The following ELP1 variants were observed in gnomAD, a reference collection of about 807,000 sequenced individuals.
ELP1 encodes elongator complex protein 1.
A neutral mutation model predicts 183.2 loss-of-function variants in ELP1; 131 were observed. The observed-to-expected ratio is 0.72, with a 90% CI of 0.62 to 0.83. The LOEUF is 0.83. ELP1 is among the 40% of genes least tolerant of loss of function. The pLI, the probability that ELP1 is intolerant of heterozygous loss-of-function variation, is 0.00. For missense variants in ELP1, 1,550 were observed against 1,594.9 expected (o/e 0.97, Z 0.48); for synonymous variants, 555 against 569.0 (o/e 0.98, Z 0.35).
At chr9:108,918,065 G>A (rs1182519609) in intron 8 of ELP1, among the ~76,000 whole-genome samples, 2 of 152,178 alleles carry the variant, frequency 1.3e-5, no homozygotes, top group African/African-American at 4.8e-5. Flanking sequence ...GCTCCAGTAG[G>A]TCTTTTTTAA....
At chr9:108,933,696 C>T (rs1051223860) in intron 1 of ELP1, among the ~76,000 whole-genome samples, 168 bp downstream of exon 1, 2 of 152,244 alleles carry the variant, frequency 1.3e-5, no homozygotes, top group African/African-American at 4.8e-5. Flanking sequence ...CCCGATGGAG[C>T]AGGTGGCAAG....
intron 8 of ELP1, among the ~76,000 whole-genome samples, 200 bp downstream of exon 8, chr9:108,918,611 T>C (rs1829534975): frequency 6.6e-6 from 1 of 150,824 alleles, no homozygotes. Flanking sequence ...GCGTAAAATC[T>C]ACTATTCGAG....
At chr9:108,929,018 G>C (rs989998894) in intron 3 of ELP1, among the ~76,000 whole-genome samples, 2 of 152,194 alleles carry the variant, frequency 1.3e-5, no homozygotes, top group African/African-American at 4.8e-5. Context: ...TAAGGTCATG[G>C]TGAAGATTAA....
chr9:108,914,872 G>A (rs567180445), intron 10 of ELP1, among the ~76,000 whole-genome samples: 6 of 152,100 alleles, frequency 3.9e-5, no homozygotes, highest in Admixed American at 3.3e-4. Context: ...TGATCCGCCC[G>A]CCTCGGCCTC....
chr9:108,900,890 C>T (rs1466930640), intron 18 of ELP1, among the ~76,000 whole-genome samples: 2 of 22,696 alleles, frequency 8.8e-5, no homozygotes, highest in African/African-American at 3.8e-4. Flanking sequence ...CACACATACA[C>T]GCCACACACA....
At chr9:108,899,111 A>C (rs1166379760) in intron 20 of ELP1, among the ~76,000 whole-genome samples, 3 of 151,812 alleles carry the variant, frequency 2.0e-5, no homozygotes, top group African/African-American at 7.3e-5. Context: ...AGCCTGGCCA[A>C]CATGGTGAAA....
chr9:108,902,821 T>C lies in ELP1; in HGVS notation c.1854+18A>G, dbSNP rs779969470. ...GGGTAACTACTTTAAGTAAATTTCC[T>C]GCTCCGTGTTCACCTACCTCTTCTC... On this transcript the variant is annotated intron_variant, in intron 16 of 36. Coordinates refer to ENST00000374647, the MANE Select transcript of ELP1 (RefSeq NM_003640.5). 6.9e-6 allele frequency: 11 copies of C among 1,584,622 alleles called. No individual in the cohort carries two copies. In the African/African-American group the frequency reaches 1.5e-4, roughly 21 times the overall value.
chr9:108,894,913 T>C (rs1401586257), intron 25 of ELP1, among the ~76,000 whole-genome samples: 1 of 152,138 alleles, frequency 6.6e-6, no homozygotes, highest in African/African-American at 2.4e-5. Flanking sequence ...TTTAATGCAA[T>C]TTCCCTGGGC....
intron 12 of ELP1, 22 bp downstream of exon 12, chr9:108,910,988 T>G: frequency 6.2e-7 from 1 of 1,611,708 alleles, no homozygotes; most frequent in Non-Finnish European, 8.5e-7. Flanking sequence ...CAGAACATCT[T>G]GGCAAAAGTT....
intron 18 of ELP1, 129 bp downstream of exon 18, chr9:108,901,294 ACT>A (rs1828794369): frequency 1.4e-6 from 1 of 710,582 alleles, no homozygotes; most frequent in Non-Finnish European, 2.5e-6. Context: ...AAGTAAAATA[ACT>A]CTAAAGATTT....
intron 28 of ELP1, among the ~76,000 whole-genome samples, chr9:108,890,275 A>T (rs909209654): frequency 2.0e-5 from 3 of 152,252 alleles, no homozygotes; most frequent in African/African-American, 7.2e-5. Context: ...GGATTTGGGA[A>T]AGGCTAATAA....
At chr9:108,930,127 CCAAA>C (rs1829951155) in intron 2 of ELP1, among the ~76,000 whole-genome samples, 1 of 151,924 alleles carries the variant, frequency 6.6e-6, no homozygotes, top group African/African-American at 2.4e-5. Flanking sequence ...GACCTTTTTG[CCAAA>C]CAAACACAAA....
chr9:108,931,819 G>A (rs998444492), intron 1 of ELP1, among the ~76,000 whole-genome samples: 1 of 152,206 alleles, frequency 6.6e-6, no homozygotes, highest in Non-Finnish European at 1.5e-5. Flanking sequence ...GGACCCTGAT[G>A]ACCTGACATA....
intron 2 of ELP1, 103 bp from the exon 3 acceptor site, chr9:108,930,024 G>A (rs1320912057): frequency 7.5e-7 from 1 of 1,327,188 alleles, no homozygotes; most frequent in African/African-American, 1.5e-5. Context: ...TTACATAAAA[G>A]CTTTCAAAAA....
chr9:108,884,241 C>T (rs1008271028), intron 29 of ELP1, among the ~76,000 whole-genome samples: 1 of 152,098 alleles, frequency 6.6e-6, no homozygotes, highest in Non-Finnish European at 1.5e-5. Flanking sequence ...CATGTATGCA[C>T]CTATAACAGA....
rs41305457 is a variant in ELP1, at chr9:108,868,044, C to T, written c.*1071G>A. 16,462 of 152,256 alleles carry T rather than the reference C, an allele frequency of 0.11. 1,045 individuals carry two copies. The highest frequency in any genetic ancestry group is 0.13 in the Middle Eastern group (39 of 294). 9.4% of individuals were successfully genotyped at this position (152,256 alleles called of 1,614,324 possible). ...GTTTTGGTCACAGGGGCAGATCCTA[C>T]GTGAATCGCTTGTGCCATCCTCGTG... On this transcript the variant is annotated 3_prime_UTR_variant, in exon 37 of 37. Transcript: ENST00000374647.
chr9:108,868,639 T>C lies in ELP1; in HGVS notation c.*476A>G. 1 of 448,040 alleles carries C rather than the reference T, an allele frequency of 2.2e-6. No individual in the cohort carries two copies. The highest frequency in any genetic ancestry group is 3.9e-6 in the Non-Finnish European group (1 of 255,880). 27.8% of individuals were successfully genotyped at this position (448,040 alleles called of 1,614,324 possible). A position where few individuals can be genotyped will look rare whatever the true frequency, so the allele number is the denominator to read the frequency against. ...CTGTCAGCAAAGGAGGGCTTATAAT[T>C]TCAAAGGATACTTTTTATTCTGCTT... On this transcript the variant is annotated 3_prime_UTR_variant, in exon 37 of 37. Transcript: ENST00000374647.
chr9:108,880,232 G>C (rs1406599062), intron 31 of ELP1, 67 bp from the exon 32 acceptor site: 4 of 1,055,756 alleles, frequency 3.8e-6, no homozygotes, highest in Non-Finnish European at 4.5e-6. Flanking sequence ...CTAAAGGCGG[G>C]GAGCAGTGAA....
In ELP1 at chr9:108,901,671, A is replaced by G; in HGVS notation, c.1865T>C (p.Leu622Pro). The G allele has an allele frequency of 1.2e-6, 2 of 1,614,186 alleles. No individual in the cohort carries two copies. Among genetic ancestry groups the G allele is most frequent in the Non-Finnish European group, 1.7e-6 (2 of 1,179,986 alleles). The change falls in exon 17 of 37, where the codon CTT becomes CCT. Residue 622 changes from leucine (L) to proline (P), a missense_variant. Coordinates refer to ENST00000374647, the MANE Select transcript of ELP1 (RefSeq NM_003640.5). The stretch of plus-strand genomic sequence containing the variant: ...AAAGCGACACCTGTCAGTCAGACCA[A>G]GGACACATTCCTGCAAAGAAATAAA... ...LAMIGEEECV[L>P]GLTDRCRFFI... is the part of the protein sequence containing the mutation.
Sources: gnomAD v4.1 joint callset for allele counts (sites outside exome capture counted in the v4.1 genomes callset) on GRCh38, gnomAD v4.1.1 for gene constraint, MANE v1.5 for transcripts, NCBI Gene and HGNC (gene_info 2026-07-23, HGNC 2026-07-21) for gene names.